ATF1: variants seen among roughly 807,000 people sequenced by gnomAD.
The protein encoded by ATF1 is cyclic AMP-dependent transcription factor ATF-1.
ATF1 carries 16 observed loss-of-function variants against 34.7 expected under a neutral mutation model. The ratio of observed to expected loss-of-function variants is 0.46; its 90% CI spans 0.31 to 0.70. ATF1 has a LOEUF of 0.70. ATF1 is among the 30% of genes least tolerant of loss of function. The probability of loss-of-function intolerance (pLI) is 0.05; values close to 1 mark genes in which losing one functional copy is unlikely to be tolerated. For missense variants in ATF1, 255 were observed against 321.6 expected (o/e 0.79, Z 1.58); for synonymous variants, 105 against 113.1 (o/e 0.93, Z 0.46).
chr12:50,797,687 T>C (rs1941435684), intron 3 of ATF1, among the ~76,000 whole-genome samples: 1 of 152,034 alleles, frequency 6.6e-6, no homozygotes, highest in Admixed American at 6.6e-5. Context: ...ACCAGGCTGG[T>C]GTCAAACTCT....
chr12:50,770,488 G>A (rs1328239528), intron 1 of ATF1, among the ~76,000 whole-genome samples: 1 of 152,124 alleles, frequency 6.6e-6, no homozygotes, highest in African/African-American at 2.4e-5. Context: ...GTATTTAAGG[G>A]TACAAACCCA....
At chr12:50,803,991 T>C (rs1941565775) in intron 3 of ATF1, among the ~76,000 whole-genome samples, 1 of 152,174 alleles carries the variant, frequency 6.6e-6, no homozygotes, top group South Asian at 2.1e-4. Flanking sequence ...AAGTTTCTTT[T>C]AGGGGGACAA....
intron 2 of ATF1, among the ~76,000 whole-genome samples, chr12:50,781,499 G>T (rs1941059860): frequency 6.6e-6 from 1 of 152,070 alleles, no homozygotes; most frequent in South Asian, 2.1e-4. Context: ...CGCTCAGGCT[G>T]GAGTGCAGTG....
At position 50,819,757 on chromosome 12, in the gene ATF1, T is replaced by C; in HGVS notation, c.794T>C (p.Leu265Pro). 6.4e-7 allele frequency: 1 copy of C among 1,564,726 alleles called. No individual in the cohort carries two copies. Among genetic ancestry groups the C allele is most frequent in the Non-Finnish European group, 8.7e-7 (1 of 1,149,722 alleles). The change falls in exon 7 of 7, where the codon CTT becomes CCT. Residue 265 changes from leucine (L) to proline (P), a missense_variant. Around this residue, in one of 2 missense-constraint regions of ATF1, gnomAD observed 34 missense variants for 70.8 expected, o/e 0.48. Transcript: ENST00000262053. ...LIEELKTLKD[L>P]YSNKSV The stretch of plus-strand genomic sequence containing the variant: ...GAAGAGTTAAAAACTTTGAAGGATC[T>C]TTATTCCAATAAAAGTGTTTGATTC...
chr12:50,784,119 C>T (rs957789858), intron 2 of ATF1, among the ~76,000 whole-genome samples: 3 of 151,534 alleles, frequency 2.0e-5, no homozygotes, highest in Non-Finnish European at 4.4e-5. Context: ...GCCGTGATTG[C>T]ACCATTGCAC....
At chr12:50,771,871 G>A (rs1256287945) in intron 1 of ATF1, among the ~76,000 whole-genome samples, 1 of 152,186 alleles carries the variant, frequency 6.6e-6, no homozygotes, top group East Asian at 1.9e-4. Flanking sequence ...CGCCATGACA[G>A]TTCACAAATG....
At chr12:50,790,107 TCA>T (rs1941269504) in intron 2 of ATF1, among the ~76,000 whole-genome samples, 1 of 152,100 alleles carries the variant, frequency 6.6e-6, no homozygotes, top group South Asian at 2.1e-4. Flanking sequence ...CTGAGTGGCT[TCA>T]GTTATTGAAA....
rs1941030401 is a variant in ATF1 at position 50,780,386 on chromosome 12, C to T, written c.93+148C>T. On this transcript the variant is annotated intron_variant, in intron 2 of 6. Transcript: ENST00000262053. ...CGAGGCAGATTTTTGCTCTAGTTGC[C>T]CAGGCTGGAGTGCAGTGGCATGATC... 6.1e-6 allele frequency: 4 copies of T among 650,580 alleles called. No individual in the cohort carries two copies. In the Admixed American group the frequency reaches 1.2e-4, roughly 20 times the overall value. 40.3% of individuals were successfully genotyped at this position (650,580 alleles called of 1,614,324 possible).
intron 2 of ATF1, among the ~76,000 whole-genome samples, chr12:50,781,753 A>G (rs1024908613): frequency 7.9e-5 from 12 of 151,850 alleles, no homozygotes; most frequent in Non-Finnish European, 1.5e-4. Context: ...GCCCGGCCAA[A>G]AAATTTTAAA....
chr12:50,807,114 G>A (rs1403501351), intron 3 of ATF1, among the ~76,000 whole-genome samples: 2 of 152,074 alleles, frequency 1.3e-5, no homozygotes, highest in East Asian at 3.9e-4. Flanking sequence ...TATAGAATTG[G>A]GATTAGGCTT....
At chr12:50,819,545 A>G (rs1171159786) in intron 6 of ATF1, 90 bp from the exon 7 acceptor site, 2 of 1,437,572 alleles carry the variant, frequency 1.4e-6, no homozygotes, top group African/African-American at 2.9e-5. Flanking sequence ...AAGAGAAAAA[A>G]AGGTGACCAC....
chr12:50,793,118 T>G (rs948439155), intron 2 of ATF1, among the ~76,000 whole-genome samples: 1 of 152,190 alleles, frequency 6.6e-6, no homozygotes, highest in African/African-American at 2.4e-5. Flanking sequence ...CATCTTTATG[T>G]GGTACTCCCA....
intron 6 of ATF1, among the ~76,000 whole-genome samples, chr12:50,817,447 AAAAT>A (rs1941866630): frequency 6.6e-6 from 1 of 152,348 alleles, no homozygotes; most frequent in East Asian, 1.9e-4. Context: ...ATAATTTTAG[AAAAT>A]AAATGATAGC....
intron 1 of ATF1, among the ~76,000 whole-genome samples, chr12:50,773,798 C>T (rs917536466): frequency 9.9e-5 from 15 of 151,914 alleles, no homozygotes; most frequent in African/African-American, 3.4e-4. Flanking sequence ...CCATATTGGC[C>T]AGGCTGGTCT....
chr12:50,783,576 A>G (rs1376750602), intron 2 of ATF1, among the ~76,000 whole-genome samples: 5 of 152,192 alleles, frequency 3.3e-5, no homozygotes, highest in African/African-American at 1.2e-4. Flanking sequence ...TTTAAAAATA[A>G]TATGGTTGGC....
At chr12:50,773,944 A>T (rs746475688) in intron 1 of ATF1, among the ~76,000 whole-genome samples, 1 of 152,048 alleles carries the variant, frequency 6.6e-6, no homozygotes, top group East Asian at 1.9e-4. Flanking sequence ...TTTGATTTAC[A>T]TTTCTCTAAT....
chr12:50,819,814 T>C lies in ATF1; in HGVS notation c.*35T>C. ...AAGAAAATATTTTTGTGGACATGCA[T>C]AAAAATTAAATGGATTTCCTAGTGG... On this transcript the variant is annotated 3_prime_UTR_variant, in exon 7 of 7. Transcript: ENST00000262053. 2 of 1,458,364 alleles carry C rather than the reference T, an allele frequency of 1.4e-6. No individual in the cohort carries two copies. Among genetic ancestry groups the C allele is most frequent in the Middle Eastern group, 1.8e-4 (1 of 5,534 alleles). 90.3% of individuals were successfully genotyped at this position (1,458,364 alleles called of 1,614,324 possible). A position where few individuals can be genotyped will look rare whatever the true frequency, so the allele number is the denominator to read the frequency against.
intron 2 of ATF1, among the ~76,000 whole-genome samples, chr12:50,788,740 A>G (rs992764190): frequency 3.9e-5 from 6 of 152,224 alleles, no homozygotes; most frequent in Non-Finnish European, 8.8e-5. Context: ...GCAAAGTGGC[A>G]AAAAATTTGA....
intron 1 of ATF1, among the ~76,000 whole-genome samples, chr12:50,775,118 T>A (rs1020524896): frequency 4.6e-5 from 7 of 151,748 alleles, no homozygotes; most frequent in Non-Finnish European, 1.0e-4. Flanking sequence ...TTTTTTTTTT[T>A]AATTGAGATA....
Sources: allele counts gnomAD v4.1 joint callset (sites outside exome capture counted in the v4.1 genomes callset), GRCh38; gene constraint gnomAD v4.1.1; regional missense constraint gnomAD v4.1.1; transcripts MANE v1.5; gene names NCBI Gene and HGNC (gene_info 2026-07-23, HGNC 2026-07-21).